The following MAST4 variants were observed in gnomAD, a reference collection of about 807,000 sequenced individuals.
The protein encoded by MAST4 is microtubule-associated serine/threonine-protein kinase 4.
MAST4 carries 89 observed loss-of-function variants against 162.7 expected under a neutral mutation model. That is an observed-to-expected ratio of 0.55 (90% CI 0.46 to 0.65). The LOEUF is 0.65. Ranked by LOEUF, MAST4 falls within the 30% of genes least tolerant of loss-of-function variation. MAST4 has a pLI of 0.00. For missense variants in MAST4, 3,153 were observed against 3,374.0 expected, an observed-to-expected ratio of 0.93 and a Z score of 1.62; for synonymous variants, 1,479 against 1,361.1, an observed-to-expected ratio of 1.09 and a Z score of -1.91.
intron 4 of MAST4, among the ~76,000 whole-genome samples, chr5:66,937,485 C>G (rs1276969377): frequency 6.6e-6 from 1 of 152,180 alleles, no homozygotes; most frequent in Non-Finnish European, 1.5e-5. Context: ...TCCCCTTTTG[C>G]TAACCACTTT....
intron 4 of MAST4, among the ~76,000 whole-genome samples, chr5:66,997,563 C>G (rs1012055313): frequency 1.3e-5 from 2 of 151,924 alleles, no homozygotes; most frequent in Non-Finnish European, 2.9e-5. Context: ...TCCCAACTAG[C>G]TGGGATTACA....
chr5:67,118,814 A>T, intron 13 of MAST4, 65 bp downstream of exon 13: 2 of 917,596 alleles, frequency 2.2e-6, no homozygotes, highest in South Asian at 3.1e-5. Flanking sequence ...GACTTTGGCT[A>T]TGTTAGTTTA....
At chr5:67,042,434 G>T (rs1424796858) in intron 4 of MAST4, among the ~76,000 whole-genome samples, 1 of 152,090 alleles carries the variant, frequency 6.6e-6, no homozygotes, top group African/African-American at 2.4e-5. Flanking sequence ...CAAAATGAGA[G>T]AATGACTAAG....
rs1421442844 is a variant in MAST4, at chr5:67,166,787, C to T, written c.7608C>T (p.Pro2536=). Residue 2536 remains proline, a synonymous_variant, in exon 29 of 29, where the codon CCC becomes CCT. Coordinates refer to ENST00000403625, the MANE Select transcript of MAST4 (RefSeq NM_001164664.2). ...CCCTGCCTCTGGAGTCACACCACCCCGACCCAAACACCATGGGCGGGGCCA... is the reference window on the plus strand; with the variant it reads ...CCCTGCCTCTGGAGTCACACCACCCTGACCCAAACACCATGGGCGGGGCCA... ...VSTLPLESHH[P]DPNTMGGASH... 1 of 1,602,554 alleles carries T rather than the reference C, an allele frequency of 6.2e-7. No individual in the cohort carries two copies. Among genetic ancestry groups the T allele is most frequent in the Non-Finnish European group, 8.5e-7 (1 of 1,175,076 alleles).
At chr5:66,914,578 G>A (rs1450691846) in intron 4 of MAST4, among the ~76,000 whole-genome samples, 1 of 152,138 alleles carries the variant, frequency 6.6e-6, no homozygotes, top group African/African-American at 2.4e-5. Flanking sequence ...GACCAGAGGA[G>A]GTTCAGTGGC....
At chr5:66,730,298 C>CT (rs34500395) in intron 1 of MAST4, among the ~76,000 whole-genome samples, 3 of 152,114 alleles carry the variant, frequency 2.0e-5, no homozygotes, top group Non-Finnish European at 2.9e-5. Context: ...AAAACATCCT[C>CT]TTTTTTTAGA....
chr5:66,638,779 T>C (rs763034609), intron 1 of MAST4, among the ~76,000 whole-genome samples: 1 of 152,220 alleles, frequency 6.6e-6, no homozygotes, highest in Non-Finnish European at 1.5e-5. Flanking sequence ...ACACTTGTAC[T>C]GTGACCTGTC....
intron 4 of MAST4, among the ~76,000 whole-genome samples, chr5:67,025,643 G>A (rs1314248981): frequency 6.6e-6 from 1 of 152,042 alleles, no homozygotes; most frequent in Non-Finnish European, 1.5e-5. Context: ...ATAATTGAGG[G>A]GATGTTATAC....
chr5:66,799,347 G>A (rs1239563045), intron 3 of MAST4, among the ~76,000 whole-genome samples: 1 of 152,076 alleles, frequency 6.6e-6, no homozygotes, highest in Non-Finnish European at 1.5e-5. Flanking sequence ...GTGCATATCG[G>A]AACCAAAGCA....
chr5:66,755,047 G>T (rs1753444313), intron 1 of MAST4, among the ~76,000 whole-genome samples: 1 of 152,278 alleles, frequency 6.6e-6, no homozygotes, highest in South Asian at 2.1e-4. Context: ...TGTGGAATTG[G>T]AGCATCTGGC....
intron 14 of MAST4, among the ~76,000 whole-genome samples, chr5:67,128,033 G>A (rs185906505): frequency 6.6e-6 from 1 of 152,134 alleles, no homozygotes. Flanking sequence ...TATGAATGTA[G>A]GAATCTAGAT....
chr5:66,714,918 T>A (rs1335184320), intron 1 of MAST4, among the ~76,000 whole-genome samples: 1 of 152,184 alleles, frequency 6.6e-6, no homozygotes, highest in African/African-American at 2.4e-5. Context: ...ATTCTCTCCT[T>A]CCATTGGTAT....
At chr5:66,769,370 G>A (rs941735311) in intron 2 of MAST4, among the ~76,000 whole-genome samples, 7 of 152,162 alleles carry the variant, frequency 4.6e-5, no homozygotes, top group African/African-American at 1.7e-4. Flanking sequence ...TGGTGGGGCT[G>A]GGGAGTGAGC....
At chr5:67,161,141 A>G (rs1388370492) in intron 27 of MAST4, among the ~76,000 whole-genome samples, 1 of 152,234 alleles carries the variant, frequency 6.6e-6, no homozygotes, top group African/African-American at 2.4e-5. Context: ...TGCAGACACT[A>G]GCAAGAGGTA....
At chr5:66,987,280 G>A (rs1749622098) in intron 4 of MAST4, among the ~76,000 whole-genome samples, 2 of 152,100 alleles carry the variant, frequency 1.3e-5, no homozygotes. Context: ...AGTTGATTTG[G>A]TGTAACCCTC....
At chr5:66,986,284 CAG>C (rs1339199527) in intron 4 of MAST4, among the ~76,000 whole-genome samples, 1 of 152,076 alleles carries the variant, frequency 6.6e-6, no homozygotes, top group African/African-American at 2.4e-5. Context: ...GTGTTAAGTG[CAG>C]AGTCTGGAAA....
intron 2 of MAST4, among the ~76,000 whole-genome samples, chr5:66,782,578 T>G (rs1398240064): frequency 1.3e-5 from 2 of 152,220 alleles, no homozygotes; most frequent in African/African-American, 4.8e-5. Flanking sequence ...AATACAGACC[T>G]TTATTTATTG....
intron 3 of MAST4, among the ~76,000 whole-genome samples, chr5:66,840,555 C>A (rs1021840107): frequency 1.4e-3 from 7 of 4,986 alleles, no homozygotes; most frequent in Non-Finnish European, 2.6e-3. Flanking sequence ...TACATTCATT[C>A]CTTGCTTGGC....
At chr5:66,987,784 A>T (rs1465914183) in intron 4 of MAST4, among the ~76,000 whole-genome samples, 1 of 152,214 alleles carries the variant, frequency 6.6e-6, no homozygotes, top group Non-Finnish European at 1.5e-5. Flanking sequence ...TGATTATATA[A>T]ACTAATGAGC....
Sources: allele counts gnomAD v4.1 joint callset (sites outside exome capture counted in the v4.1 genomes callset), GRCh38; gene constraint gnomAD v4.1.1; transcripts MANE v1.5; gene names NCBI Gene and HGNC (gene_info 2026-07-23, HGNC 2026-07-21).